Variants in ANKS1A observed in about 807,000 individuals in gnomAD.
ANKS1A encodes the protein ankyrin repeat and SAM domain-containing protein 1A.
A neutral mutation model predicts 120.3 loss-of-function variants in ANKS1A; 55 were observed. The observed-to-expected ratio is 0.46, with a 90% CI of 0.37 to 0.57. The LOEUF is 0.57. Ranked by LOEUF, ANKS1A falls within the 20% of genes least tolerant of loss-of-function variation. ANKS1A has a pLI of 0.00. For synonymous variants in ANKS1A, 590 were observed against 604.7 expected (o/e 0.98, Z 0.36); for missense variants, 1,123 against 1,480.3 (o/e 0.76, Z 3.96).
At chr6:35,093,700 G>A (rs941671662), downstream of ANKS1A, among the ~76,000 whole-genome samples, 5 of 152,140 alleles carry the variant, frequency 3.3e-5, no homozygotes, top group Admixed American at 6.5e-5. Flanking sequence ...AAAACCCCCA[G>A]TGGAAACACC....
At chr6:34,956,772 C>G (rs541265881) in intron 1 of ANKS1A, among the ~76,000 whole-genome samples, 2 of 152,272 alleles carry the variant, frequency 1.3e-5, no homozygotes, top group South Asian at 2.1e-4. Context: ...GTTCCTTCCC[C>G]TACCTTCTAC....
intron 3 of ANKS1A, among the ~76,000 whole-genome samples, chr6:34,979,294 T>C (rs1378054658): frequency 6.6e-6 from 1 of 152,210 alleles, no homozygotes; most frequent in Non-Finnish European, 1.5e-5. Flanking sequence ...TCAAAAAGCC[T>C]ACAGTAATAA....
In ANKS1A at chr6:35,079,510, C is replaced by T. The variant is rs1227588130; in HGVS notation, c.2284-6C>T. The T allele has an allele frequency of 1.2e-6, 2 of 1,613,592 alleles. No individual in the cohort carries two copies. The highest frequency in any genetic ancestry group is 1.3e-5 in the African/African-American group (1 of 75,036). ...TGTCAGTTTCACCTCCCTCCTTGCCCTGTAGGTGAAGGCTCTGGGTTATGA... is the reference window on the plus strand; with the variant it reads ...TGTCAGTTTCACCTCCCTCCTTGCCTTGTAGGTGAAGGCTCTGGGTTATGA... On this transcript the variant is annotated splice_polypyrimidine_tract_variant and splice_region_variant and intron_variant, in intron 14 of 23. Coordinates refer to ENST00000360359, the MANE Select transcript of ANKS1A (RefSeq NM_015245.3).
downstream of ANKS1A, among the ~76,000 whole-genome samples, chr6:35,095,076 G>C (rs1778417691): frequency 6.7e-6 from 1 of 150,342 alleles, no homozygotes; most frequent in Non-Finnish European, 1.5e-5. Context: ...AGGAGGTCGA[G>C]GCTGCAGTGA....
chr6:34,965,189 A>G (rs1770832799), intron 1 of ANKS1A, among the ~76,000 whole-genome samples: 1 of 152,192 alleles, frequency 6.6e-6, no homozygotes, highest in Non-Finnish European at 1.5e-5. Context: ...TTTCTGAGCT[A>G]TGACTTTATA....
chr6:34,890,178 G>A (rs370546489), intron 1 of ANKS1A, among the ~76,000 whole-genome samples: 1 of 151,566 alleles, frequency 6.6e-6, no homozygotes, highest in Non-Finnish European at 1.5e-5. Flanking sequence ...TGCAACCTCC[G>A]CCTCCCGGGT....
In ANKS1A at chr6:34,922,694, CT is replaced by C. The variant is rs61568974; in HGVS notation, c.197+33113del. Among the ~76,000 whole-genome samples the C allele has an allele frequency of 8.7e-3, 1,110 of 127,812 alleles. 3 individuals are homozygous for C. Among genetic ancestry groups the C allele is most frequent in the Non-Finnish European group, 0.012 (747 of 60,738 alleles). 83.8% of individuals were successfully genotyped at this position (127,812 alleles called of 152,430 possible). ...CATGGAGGATTGAATCTGGGCATTT[CT>C]TTTTTTTTTTTTTTTTTGTGACGGA... On this transcript the variant is annotated intron_variant, in intron 1 of 23. Transcript: ENST00000360359.
intron 1 of ANKS1A, among the ~76,000 whole-genome samples, chr6:34,939,435 T>C (rs1024582180): frequency 6.6e-6 from 1 of 152,284 alleles, no homozygotes; most frequent in Admixed American, 6.5e-5. Flanking sequence ...AGTTGTGGTA[T>C]GCATTCAGTA....
intron 1 of ANKS1A, among the ~76,000 whole-genome samples, chr6:34,909,279 C>T (rs146278189): frequency 6.6e-6 from 1 of 152,296 alleles, no homozygotes; most frequent in East Asian, 1.9e-4. Context: ...AAAACACAGA[C>T]CTGGGCTTAT....
intron 1 of ANKS1A, among the ~76,000 whole-genome samples, chr6:34,960,792 T>C (rs1770595294): frequency 6.6e-6 from 1 of 152,204 alleles, no homozygotes; most frequent in Non-Finnish European, 1.5e-5. Context: ...CTCAATACTA[T>C]TATACTTGCT....
intron 12 of ANKS1A, among the ~76,000 whole-genome samples, chr6:35,059,550 T>C (rs1182402911): frequency 1.3e-5 from 2 of 152,248 alleles, no homozygotes; most frequent in African/African-American, 4.8e-5. Context: ...CAGCCGCCGC[T>C]GCTGCTTCCC....
intron 3 of ANKS1A, among the ~76,000 whole-genome samples, chr6:34,972,393 G>A (rs1771227986): frequency 2.0e-5 from 3 of 152,036 alleles, no homozygotes; most frequent in Non-Finnish European, 1.5e-5. Context: ...GGTTCCAGTA[G>A]GATGCTTAGA....
intron 11 of ANKS1A, among the ~76,000 whole-genome samples, chr6:35,040,548 T>C (rs1165101375): frequency 6.6e-6 from 1 of 152,250 alleles, no homozygotes; most frequent in African/African-American, 2.4e-5. Flanking sequence ...TTTTCAGCTA[T>C]GTAGAAGCAT....
chr6:35,040,811 T>C (rs566756648), intron 11 of ANKS1A, among the ~76,000 whole-genome samples: 1 of 152,340 alleles, frequency 6.6e-6, no homozygotes, highest in African/African-American at 2.4e-5. Flanking sequence ...CAGGGACTCT[T>C]TGGGGTCCCA....
chr6:34,903,956 C>A (rs1581670223), intron 1 of ANKS1A, among the ~76,000 whole-genome samples: 1 of 152,206 alleles, frequency 6.6e-6, no homozygotes, highest in South Asian at 2.1e-4. Flanking sequence ...TCCCAAGGTG[C>A]TGGGATTACA....
rs374567948 is a variant in ANKS1A, at chr6:34,981,677, G to T, written c.436-13G>T. Reference sequence around the variant, plus strand: ...GTGACCTTTCTGATGTGATCTGCTTGTTAACCCTTTAGAACAATGACAACG... The same window carrying T: ...GTGACCTTTCTGATGTGATCTGCTTTTTAACCCTTTAGAACAATGACAACG... On this transcript the variant is annotated splice_polypyrimidine_tract_variant and intron_variant, in intron 3 of 23. Coordinates refer to ENST00000360359, the MANE Select transcript of ANKS1A (RefSeq NM_015245.3). The T allele has an allele frequency of 6.2e-7, 1 of 1,612,616 alleles. No homozygotes were observed. Among genetic ancestry groups the T allele is most frequent in the South Asian group, 1.1e-5 (1 of 91,016 alleles).
At chr6:35,056,484 T>G (rs1233009997) in intron 12 of ANKS1A, among the ~76,000 whole-genome samples, 1 of 152,098 alleles carries the variant, frequency 6.6e-6, no homozygotes, top group Admixed American at 6.5e-5. Flanking sequence ...GAGACAGGGT[T>G]TCACCGTGTT....
intron 1 of ANKS1A, among the ~76,000 whole-genome samples, chr6:34,899,223 G>C (rs1287868801): frequency 2.6e-5 from 4 of 152,172 alleles, no homozygotes; most frequent in Non-Finnish European, 5.9e-5. Flanking sequence ...AGTAACCTTT[G>C]TGCAAGCCCA....
At chr6:34,964,379 T>C (rs931160757) in intron 1 of ANKS1A, among the ~76,000 whole-genome samples, 5 of 152,164 alleles carry the variant, frequency 3.3e-5, no homozygotes, top group Non-Finnish European at 7.3e-5. Context: ...TCTGCAGTGC[T>C]CCCTAACACA....
Sources: allele counts gnomAD v4.1 joint callset (sites outside exome capture counted in the v4.1 genomes callset), GRCh38; gene constraint gnomAD v4.1.1; transcripts MANE v1.5; gene names NCBI Gene and HGNC (gene_info 2026-07-23, HGNC 2026-07-21).